The following SLC28A3 variants were observed in gnomAD, a reference collection of about 807,000 sequenced individuals.
The protein encoded by SLC28A3 is solute carrier family 28 member 3.
In SLC28A3, 68 loss-of-function variants were observed where a neutral mutation model predicts 84.2. That is an observed-to-expected ratio of 0.81 (90% CI 0.66 to 0.99). The LOEUF (loss-of-function observed/expected upper bound fraction) is 0.99, where lower values mean the gene tolerates loss of function less well. Among genes scored for constraint, SLC28A3 ranks in the 50% least tolerant of loss-of-function variants. The pLI is 0.00. For synonymous variants in SLC28A3, 267 were observed against 303.6 expected, an observed-to-expected ratio of 0.88 and a Z score of 1.25; for missense variants, 712 against 841.5, an observed-to-expected ratio of 0.85 and a Z score of 1.90.
upstream of SLC28A3, among the ~76,000 whole-genome samples, chr9:84,342,901 C>G (rs1163920186): frequency 6.6e-6 from 1 of 152,090 alleles, no homozygotes; most frequent in African/African-American, 2.4e-5. Context: ...CAGTGGCTCC[C>G]GCCTATAATC....
In SLC28A3 at chr9:84,335,264, C is replaced by T. The variant is rs909748461; in HGVS notation, c.60+5310G>A. On this transcript the variant is annotated intron_variant, in intron 1 of 17. Coordinates refer to ENST00000376238, the MANE Select transcript of SLC28A3 (RefSeq NM_001199633.2). ...TTTTCTACCTAAATAAAGCCTTGCCCGAGGCTGGGTGAGGTGGCTCACACC... is the reference window on the plus strand; with the variant it reads ...TTTTCTACCTAAATAAAGCCTTGCCTGAGGCTGGGTGAGGTGGCTCACACC... Among the ~76,000 whole-genome samples the T allele has an allele frequency of 3.3e-5, 5 of 152,084 alleles. No homozygotes were observed. The South Asian group carries it at 6.2e-4, about 19-fold the overall frequency.
intron 7 of SLC28A3, 62 bp downstream of exon 7, chr9:84,297,844 G>T: frequency 7.3e-7 from 1 of 1,370,344 alleles, no homozygotes; most frequent in Non-Finnish European, 1.0e-6. Flanking sequence ...GACACGTCTT[G>T]AGGATTACCT....
chr9:84,283,298 T>A (rs1306670350), intron 14 of SLC28A3, among the ~76,000 whole-genome samples: 2 of 152,276 alleles, frequency 1.3e-5, no homozygotes, highest in African/African-American at 2.4e-5. Context: ...CAGCTCTCCT[T>A]GTGTCTGCAC....
chr9:84,318,416 C>A (rs539348696), intron 1 of SLC28A3, among the ~76,000 whole-genome samples: 1 of 152,188 alleles, frequency 6.6e-6, no homozygotes, highest in African/African-American at 2.4e-5. Flanking sequence ...AACATTCTTC[C>A]CTTGGGAACT....
intron 6 of SLC28A3, 134 bp downstream of exon 6, chr9:84,299,447 G>C (rs1454047842): frequency 8.9e-7 from 1 of 1,125,430 alleles, no homozygotes; most frequent in Admixed American, 2.7e-5. Flanking sequence ...GGGCACCCTG[G>C]TCACGTTAAA....
chr9:84,297,131 T>G (rs1053056542), intron 8 of SLC28A3, 90 bp downstream of exon 8: 39 of 1,048,442 alleles, frequency 3.7e-5, no homozygotes, highest in Non-Finnish European at 5.4e-5. Flanking sequence ...ATATACCTGG[T>G]TTTTGGTCAG....
At chr9:84,297,198 A>T (rs751081582) in intron 8 of SLC28A3, 23 bp downstream of exon 8, 1 of 1,596,110 alleles carries the variant, frequency 6.3e-7, no homozygotes, top group South Asian at 1.1e-5. Context: ...CAGCGACTAC[A>T]TAGAAAAAAG....
At chr9:84,286,453 T>TC (rs1217218081) in intron 12 of SLC28A3, among the ~76,000 whole-genome samples, 1 of 148,402 alleles carries the variant, frequency 6.7e-6, no homozygotes, top group African/African-American at 2.5e-5. Context: ...GGCTTTTTTT[T>TC]TTTTTTTTTT....
chr9:84,280,991 G>T, intron 14 of SLC28A3, 109 bp from the exon 15 acceptor site: 1 of 1,003,690 alleles, frequency 1.0e-6, no homozygotes. Flanking sequence ...ACAAATAAAT[G>T]CACAGTCCAT....
At chr9:84,286,165 C>T (rs1588563425) in intron 12 of SLC28A3, 54 bp from the exon 13 acceptor site, 5 of 1,555,320 alleles carry the variant, frequency 3.2e-6, no homozygotes, top group East Asian at 2.3e-5. Flanking sequence ...AGGGGATGGA[C>T]ACCATTGGTG....
At chr9:84,357,481 A>G in the SLC28A3 span, among the ~76,000 whole-genome samples, 1 of 151,794 alleles carries the variant, frequency 6.6e-6, no homozygotes, top group Non-Finnish European at 1.5e-5. Flanking sequence ...AGTAAGGAGG[A>G]ATCTGGATTC....
chr9:84,347,678 G>A, the SLC28A3 span, among the ~76,000 whole-genome samples: 7,554 of 152,260 alleles, frequency 0.05, 568 homozygotes, highest in African/African-American at 0.16. Flanking sequence ...CAGTGCTTAG[G>A]TGAGGGGATT....
intron 15 of SLC28A3, among the ~76,000 whole-genome samples, chr9:84,280,381 T>A (rs1824700988): frequency 6.6e-6 from 1 of 151,810 alleles, no homozygotes; most frequent in Non-Finnish European, 1.5e-5. Context: ...GGCAAAAGAG[T>A]GGCAGGAGGC....
At chr9:84,334,172 G>A (rs1826887098) in intron 1 of SLC28A3, among the ~76,000 whole-genome samples, 1 of 152,186 alleles carries the variant, frequency 6.6e-6, no homozygotes, top group Non-Finnish European at 1.5e-5. Context: ...GGTGGCTCAT[G>A]CCTGTATTCC....
In SLC28A3 at chr9:84,288,132, G is replaced by A. The variant is rs761250487; in HGVS notation, c.1196C>T (p.Ala399Val). Reference sequence around the variant, plus strand: ...AAAGAGTTTAGCAGCAGCCAATGACGCAGGTGCTGACATAACTGACGCTGT... The same window carrying A: ...AAAGAGTTTAGCAGCAGCCAATGACACAGGTGCTGACATAACTGACGCTGT... ...LLTASVMSAP[A>V]SLAAAKLFWP... Residue 399 changes from alanine (A) to valine (V), a missense_variant, in exon 12 of 18, where the codon GCG (alanine) becomes GTG (valine). Transcript: ENST00000376238. 13 of 1,613,976 alleles carry A rather than the reference G, an allele frequency of 8.1e-6. No individual in the cohort carries two copies. Among genetic ancestry groups the A allele is most frequent in the East Asian group, 2.2e-5 (1 of 44,892 alleles).
chr9:84,285,148 C>T (rs1299332950), intron 14 of SLC28A3, among the ~76,000 whole-genome samples, 197 bp downstream of exon 14: 1 of 152,208 alleles, frequency 6.6e-6, no homozygotes. Flanking sequence ...CACACACGCA[C>T]ACTCTAATTC....
chr9:84,282,120 C>G (rs547342216), intron 14 of SLC28A3, among the ~76,000 whole-genome samples: 1 of 151,912 alleles, frequency 6.6e-6, no homozygotes, highest in East Asian at 1.9e-4. Context: ...ACAGCCTGGG[C>G]GACAGAGTGA....
chr9:84,326,897 C>T (rs1396863551), intron 1 of SLC28A3, among the ~76,000 whole-genome samples: 1 of 151,864 alleles, frequency 6.6e-6, no homozygotes, highest in African/African-American at 2.4e-5. Context: ...CCCAGCTACT[C>T]GGGAGGCTGA....
chr9:84,305,420 T>C, intron 3 of SLC28A3, 75 bp from the exon 4 acceptor site: 1 of 1,238,630 alleles, frequency 8.1e-7, no homozygotes, highest in African/African-American at 1.5e-5. Context: ...TGAGGCTAGA[T>C]TAAGCTTTGT....
Sources: allele counts gnomAD v4.1 joint callset (sites outside exome capture counted in the v4.1 genomes callset), GRCh38; gene constraint gnomAD v4.1.1; transcripts MANE v1.5; gene names NCBI Gene and HGNC (gene_info 2026-07-23, HGNC 2026-07-21).